DEPDC4: variants seen among roughly 807,000 people sequenced by gnomAD.
The protein encoded by DEPDC4 is DEP domain containing 4.
Under a neutral mutation model 52.0 loss-of-function variants are expected in DEPDC4, and 52 were observed. The observed-to-expected ratio is 1.00, with a 90% CI of 0.80 to 1.26. DEPDC4 has a LOEUF of 1.26. Among genes scored for constraint, DEPDC4 ranks in the 50% most tolerant of loss-of-function variants. The pLI, the probability that DEPDC4 is intolerant of heterozygous loss-of-function variation, is 0.00. For missense variants in DEPDC4, 530 were observed against 546.9 expected (o/e 0.97, Z 0.31); for synonymous variants, 201 against 196.8 (o/e 1.02, Z -0.18).
intron 8 of DEPDC4, among the ~76,000 whole-genome samples, chr12:100,244,113 A>G (rs1284254329): frequency 1.7e-5 from 2 of 115,180 alleles, no homozygotes; most frequent in Admixed American, 1.7e-4. Flanking sequence ...ATATATATAT[A>G]TATATATATA....
downstream of DEPDC4, among the ~76,000 whole-genome samples, chr12:100,237,549 G>C (rs575270680): frequency 9.2e-5 from 14 of 152,186 alleles, no homozygotes; most frequent in Middle Eastern, 3.4e-3. Flanking sequence ...AATGATGGTA[G>C]TATTTTAATG....
At chr12:100,251,329 G>A (rs567395949) in intron 7 of DEPDC4, among the ~76,000 whole-genome samples, 1 of 152,064 alleles carries the variant, frequency 6.6e-6, no homozygotes, top group African/African-American at 2.4e-5. Context: ...CTATTGTCTG[G>A]TACTAAAATA....
At chr12:100,231,691 AT>A (rs2096135157) in intron 9 of DEPDC4, among the ~76,000 whole-genome samples, 2 of 152,330 alleles carry the variant, frequency 1.3e-5, no homozygotes, top group South Asian at 4.1e-4. Flanking sequence ...AATGGTTAGT[AT>A]TTAGCATCCT....
downstream of DEPDC4, among the ~76,000 whole-genome samples, chr12:100,235,555 C>T (rs1297839635): frequency 6.6e-6 from 1 of 151,612 alleles, no homozygotes; most frequent in Non-Finnish European, 1.5e-5. Context: ...CCCCAAGTCC[C>T]CAAACTCCAC....
At position 100,241,850 on chromosome 12, in the gene DEPDC4, A is replaced by AG; in HGVS notation, c.*47-6_*47-5insC. ...AGGGTTGGCAAAACGTAAAGCCTGG[A>AG]AAAAAAAAAAAAAAACAAAAGAAAA... On this transcript the variant is annotated splice_polypyrimidine_tract_variant and splice_region_variant and intron_variant, in intron 9 of 9. Coordinates refer to ENST00000550587, the MANE Select transcript of DEPDC4 (RefSeq NM_001364818.2). The AG allele has an allele frequency of 2.3e-5, 5 of 219,232 alleles. No homozygotes were observed. Among genetic ancestry groups the AG allele is most frequent in the Non-Finnish European group, 6.1e-6 (1 of 164,074 alleles). 13.6% of individuals were successfully genotyped at this position (219,232 alleles called of 1,614,324 possible). A position where few individuals can be genotyped will look rare whatever the true frequency, so the allele number is the denominator to read the frequency against.
intron 5 of DEPDC4, 142 bp from the exon 6 acceptor site, chr12:100,252,678 G>T: frequency 1.4e-6 from 1 of 724,112 alleles, no homozygotes; most frequent in East Asian, 3.0e-5. Flanking sequence ...TTTTATTATG[G>T]AATATTTCAA....
chr12:100,241,858 A>AC lies in DEPDC4; in HGVS notation c.*47-14_*47-13insG, dbSNP rs1453676534. 1.2e-5 allele frequency: 14 copies of AC among 1,199,520 alleles called. No individual in the cohort carries two copies. Among genetic ancestry groups the AC allele is most frequent in the Non-Finnish European group, 1.4e-5 (13 of 950,528 alleles). The allele number at this position is 1,199,520 out of a possible 1,614,324, so 74.3% of individuals were successfully genotyped here. ...CAAAACGTAAAGCCTGGAAAAAAAA[A>AC]AAAAAAACAAAAGAAAAAGAAAAGT... On this transcript the variant is annotated splice_polypyrimidine_tract_variant and intron_variant, in intron 9 of 9. Transcript: ENST00000550587.
intron 1 of DEPDC4, among the ~76,000 whole-genome samples, chr12:100,266,058 A>C (rs1379747332): frequency 6.6e-6 from 1 of 152,058 alleles, no homozygotes. Flanking sequence ...GTACCCCAGT[A>C]AAATTTTAAT....
intron 5 of DEPDC4, among the ~76,000 whole-genome samples, chr12:100,253,241 C>A (rs767917605): frequency 6.6e-6 from 1 of 152,110 alleles, no homozygotes; most frequent in Non-Finnish European, 1.5e-5. Flanking sequence ...TAGAATGTCC[C>A]TGCGATGTCC....
At chr12:100,238,140 AT>A, downstream of DEPDC4, 1 of 781,234 alleles carries the variant, frequency 1.3e-6, no homozygotes, top group Non-Finnish European at 1.6e-6. Context: ...AAATATGCAG[AT>A]TAGGGCAGTT....
At chr12:100,264,959 G>GA (rs201717004) in intron 1 of DEPDC4, among the ~76,000 whole-genome samples, 15 of 151,186 alleles carry the variant, frequency 9.9e-5, no homozygotes, top group African/African-American at 1.9e-4. Context: ...TGGGCAAAAA[G>GA]AAAAAAAAAT....
Position 100,240,802 on chromosome 12 carries a change from C to T in DEPDC4, c.*1090G>A, listed in dbSNP as rs1015942309. ...GTGTGGTGGCTCACGCCTGTAATCC[C>T]AGCACCTTGGGAGGCTAAGGTGGGC... On this transcript the variant is annotated 3_prime_UTR_variant, in exon 10 of 10. Transcript: ENST00000550587. Among the ~76,000 whole-genome samples the T allele has an allele frequency of 6.6e-6, 1 of 152,202 alleles. No individual in the cohort carries two copies. Among genetic ancestry groups the T allele is most frequent in the African/African-American group, 2.4e-5 (1 of 41,448 alleles).
In DEPDC4 at chr12:100,262,113, G is replaced by A. The variant is rs532737173; in HGVS notation, c.700+151C>T. ...CTTGGTTGCAGGATGTTGATAATGG[G>A]GAAGGTTGTGTGTGAGTGGAAGCAA... On this transcript the variant is annotated intron_variant, in intron 3 of 9. Transcript: ENST00000550587. 10 of 662,098 alleles carry A rather than the reference G, an allele frequency of 1.5e-5. No individual in the cohort carries two copies. In the East Asian group the frequency reaches 2.8e-4, roughly 19 times the overall value. 41.0% of individuals were successfully genotyped at this position (662,098 alleles called of 1,614,324 possible).
At chr12:100,234,278 T>C (rs922734545) in intron 9 of DEPDC4, among the ~76,000 whole-genome samples, 1 of 152,134 alleles carries the variant, frequency 6.6e-6, no homozygotes, top group African/African-American at 2.4e-5. Flanking sequence ...TAGCCTCAAA[T>C]CTGGGTACGG....
At chr12:100,236,680 G>A (rs571078040), downstream of DEPDC4, among the ~76,000 whole-genome samples, 87 of 152,176 alleles carry the variant, frequency 5.7e-4, no homozygotes, top group Non-Finnish European at 9.9e-4. Flanking sequence ...AAGCGCTTTT[G>A]TTTAATTAAG....
the DEPDC4 span, among the ~76,000 whole-genome samples, chr12:100,279,984 G>A: frequency 6.6e-6 from 1 of 152,194 alleles, no homozygotes; most frequent in Non-Finnish European, 1.5e-5. Context: ...TTGAATGCCA[G>A]TTTGTCCCTC....
intron 8 of DEPDC4, among the ~76,000 whole-genome samples, chr12:100,246,754 T>C (rs2096187296): frequency 6.6e-6 from 1 of 152,010 alleles, no homozygotes; most frequent in South Asian, 2.1e-4. Context: ...CTGGCCAACA[T>C]GAGGAAACCC....
rs1414113518 is a variant in DEPDC4, at chr12:100,242,560, T to C, written c.1463A>G (p.Glu488Gly). 1 of 154,888 alleles carries C rather than the reference T, an allele frequency of 6.5e-6. No individual in the cohort carries two copies. The highest frequency in any genetic ancestry group is 1.5e-5 in the Non-Finnish European group (1 of 68,242). 9.6% of individuals were successfully genotyped at this position (154,888 alleles called of 1,614,324 possible). The change falls in exon 9 of 10, where the codon GAA becomes GGA. Residue 488 changes from glutamate (E) to glycine (G), a missense_variant. Transcript: ENST00000550587. Reference protein sequence around the residue: ...EDADAISGMAENNSYTSTA With the variant: ...EDADAISGMAGNNSYTSTA Reference sequence around the variant, plus strand: ...AGCTGTAGATGTGTAGCTGTTATTTTCAGCCATACCTTAAAGATAAAGAAA... The same window carrying C: ...AGCTGTAGATGTGTAGCTGTTATTTCCAGCCATACCTTAAAGATAAAGAAA...
At chr12:100,280,052 G>A in the DEPDC4 span, among the ~76,000 whole-genome samples, 6 of 152,160 alleles carry the variant, frequency 3.9e-5, no homozygotes, top group Admixed American at 2.0e-4. Flanking sequence ...TCTGTAGTTT[G>A]GAATGTGCCT....
Sources: allele counts gnomAD v4.1 joint callset (sites outside exome capture counted in the v4.1 genomes callset), GRCh38; gene constraint gnomAD v4.1.1; transcripts MANE v1.5; gene names NCBI Gene and HGNC (gene_info 2026-07-23, HGNC 2026-07-21).